The following MZT2A variants were observed in gnomAD, a reference collection of about 807,000 sequenced individuals.
MZT2A encodes mitotic-spindle organizing protein 2A.
Under a neutral mutation model 12.4 loss-of-function variants are expected in MZT2A, and 8 were observed. That is an observed-to-expected ratio of 0.64 (90% CI 0.38 to 1.16). The LOEUF is 1.16. Ranked by LOEUF, MZT2A falls within the 50% of genes most tolerant of loss-of-function variation. The probability of loss-of-function intolerance (pLI) is 0.01; values close to 1 mark genes in which losing one functional copy is unlikely to be tolerated. For missense variants in MZT2A, 181 were observed against 223.6 expected (o/e 0.81, Z 1.22); for synonymous variants, 88 against 107.5 (o/e 0.82, Z 1.12).
intron 2 of MZT2A, chr2:131,486,709 C>T (rs189714736): frequency 5.3e-5 from 8 of 152,140 alleles, no homozygotes; most frequent in African/African-American, 1.7e-4. Flanking sequence ...CATTGCTGCC[C>T]GGAACCCATG....
chr2:131,476,623 T>G (rs541733283), intron 2 of MZT2A, among the ~76,000 whole-genome samples: 1 of 152,212 alleles, frequency 6.6e-6, no homozygotes, highest in Non-Finnish European at 1.5e-5. Context: ...TGCTGCAACA[T>G]TGCCTTGTTC....
At chr2:131,492,898 A>G, upstream of MZT2A, 5 of 1,505,558 alleles carry the variant, frequency 3.3e-6, no homozygotes, top group African/African-American at 4.2e-5. Context: ...ACGCAGGCGC[A>G]TTCAGCTAAG....
chr2:131,480,258 C>A, downstream of MZT2A: 1 of 1,614,000 alleles, frequency 6.2e-7, no homozygotes, highest in Non-Finnish European at 8.5e-7. Flanking sequence ...CAACTCCATC[C>A]TGACCACCCA....
At chr2:131,492,802 A>G, upstream of MZT2A, 1 of 1,404,620 alleles carries the variant, frequency 7.1e-7, no homozygotes, top group South Asian at 1.2e-5. Flanking sequence ...GGGGGCACTA[A>G]TCAACAACCC....
upstream of MZT2A, chr2:131,492,708 C>G (rs1679392624): frequency 7.9e-7 from 1 of 1,258,528 alleles, no homozygotes; most frequent in Admixed American, 3.2e-5. Context: ...ACATTGGGCG[C>G]TCAGTCAATA....
intron 2 of MZT2A, among the ~76,000 whole-genome samples, chr2:131,487,158 A>C (rs1017405534): frequency 3.3e-5 from 5 of 152,198 alleles, no homozygotes; most frequent in African/African-American, 1.2e-4. Context: ...AAACGCCAAA[A>C]ACAGTCAATG....
upstream of MZT2A, chr2:131,492,822 G>T (rs2313967): frequency 1.4e-6 from 2 of 1,446,530 alleles, no homozygotes; most frequent in East Asian, 3.4e-5. Flanking sequence ...CTGCTTACGC[G>T]CACGCGCATT....
intron 2 of MZT2A, among the ~76,000 whole-genome samples, chr2:131,474,444 C>T (rs1458415518): frequency 9.6e-6 from 1 of 103,740 alleles, no homozygotes; most frequent in Non-Finnish European, 1.9e-5. Flanking sequence ...GAGTTTCACT[C>T]TATTGCCCAG....
intron 2 of MZT2A, among the ~76,000 whole-genome samples, chr2:131,473,548 A>G (rs1302692073): frequency 1.3e-5 from 2 of 151,076 alleles, no homozygotes; most frequent in Non-Finnish European, 2.9e-5. Context: ...GGGGTAAGCC[A>G]GCATGTCTCC....
At chr2:131,489,206 T>C (rs1265069334) in intron 2 of MZT2A, among the ~76,000 whole-genome samples, 6 of 152,088 alleles carry the variant, frequency 3.9e-5, no homozygotes, top group Non-Finnish European at 7.4e-5. Flanking sequence ...CTTTTCTTTT[T>C]TTTTTTTTGA....
At chr2:131,482,880 C>T, downstream of MZT2A, 2 of 1,595,712 alleles carry the variant, frequency 1.3e-6, no homozygotes, top group Non-Finnish European at 1.7e-6. Flanking sequence ...CCCCTGCCAC[C>T]CCCGGGATGG....
downstream of MZT2A, among the ~76,000 whole-genome samples, chr2:131,481,848 G>C (rs1371412470): frequency 6.6e-6 from 1 of 152,150 alleles, no homozygotes; most frequent in African/African-American, 2.4e-5. Flanking sequence ...TCACAGGCTT[G>C]AGCCACCACA....
chr2:131,490,530 T>C (rs765206789), intron 2 of MZT2A: 29 of 1,465,830 alleles, frequency 2.0e-5, no homozygotes, highest in Non-Finnish European at 2.5e-5. Context: ...GTCTAGAGAC[T>C]GCCACACCAT....
intron 2 of MZT2A, among the ~76,000 whole-genome samples, chr2:131,473,081 C>A (rs974695465): frequency 1.1e-4 from 17 of 152,276 alleles, no homozygotes; most frequent in African/African-American, 3.9e-4. Flanking sequence ...GCTACCTCCC[C>A]ATGGGAGGAC....
downstream of MZT2A, among the ~76,000 whole-genome samples, chr2:131,479,630 A>G (rs879422499): frequency 1.3e-5 from 2 of 152,182 alleles, no homozygotes; most frequent in Admixed American, 6.5e-5. Flanking sequence ...ACCTGAGGTC[A>G]GGAGTTTGAG....
intron 2 of MZT2A, chr2:131,476,331 G>T: frequency 6.7e-7 from 1 of 1,490,930 alleles, no homozygotes; most frequent in East Asian, 2.4e-5. Flanking sequence ...GTCTAGTGCG[G>T]GACAGGAGGA....
intron 2 of MZT2A, chr2:131,490,438 G>A (rs1358810258): frequency 1.5e-6 from 2 of 1,305,112 alleles, no homozygotes; most frequent in Admixed American, 3.3e-5. Flanking sequence ...CCCCTGGAGA[G>A]GGGCTCTTTA....
At chr2:131,488,623 G>T (rs986824808) in intron 2 of MZT2A, among the ~76,000 whole-genome samples, 1 of 152,000 alleles carries the variant, frequency 6.6e-6, no homozygotes, top group Non-Finnish European at 1.5e-5. Flanking sequence ...CTGGAGCTCT[G>T]TGTGGTCAGA....
rs751983172 is a variant in MZT2A at position 131,492,330 on chromosome 2, G to T, written c.47C>A (p.Pro16Gln). 4 of 1,508,908 alleles carry T rather than the reference G, an allele frequency of 2.7e-6. No homozygotes were observed. The South Asian group carries it at 4.9e-5, about 18-fold the overall frequency. The allele number at this position is 1,508,908 out of a possible 1,614,324, so 93.5% of individuals were successfully genotyped here. A position where few individuals can be genotyped will look rare whatever the true frequency, so the allele number is the denominator to read the frequency against. ...VGPGPGSAAP[P>Q]GLEAARQKLA... ...CTTCTGCCGGGCCGCCTCCAGCCCC[G>T]GGGGCGCCGCCGACCCCGGCCCAGG... The change falls in exon 1 of 3, where the codon CCG becomes CAG. Residue 16 changes from proline to glutamine, a missense_variant. Pro to Gln is a moderately conservative substitution (Grantham distance 76). Around this residue, in one of 3 missense-constraint regions of MZT2A, gnomAD observed 106 missense variants for 127.2 expected, o/e 0.83. Coordinates refer to ENST00000309451, the MANE Select transcript of MZT2A (RefSeq NM_001085365.2).
Sources: allele counts gnomAD v4.1 joint callset (sites outside exome capture counted in the v4.1 genomes callset), GRCh38; gene constraint gnomAD v4.1.1; regional missense constraint gnomAD v4.1.1; transcripts MANE v1.5; gene names NCBI Gene and HGNC (gene_info 2026-07-23, HGNC 2026-07-21).